Variants in TGFBRAP1 observed in about 807,000 individuals in gnomAD.
TGFBRAP1 encodes transforming growth factor beta receptor associated protein 1.
A neutral mutation model predicts 83.2 loss-of-function variants in TGFBRAP1; 20 were observed. The observed-to-expected ratio is 0.24, with a 90% CI of 0.17 to 0.35. The LOEUF (loss-of-function observed/expected upper bound fraction) is 0.35. Ranked by LOEUF, TGFBRAP1 falls within the 10% of genes least tolerant of loss-of-function variation. The pLI is 1.00. For missense variants in TGFBRAP1, 950 were observed against 1,099.4 expected (o/e 0.86, Z 1.92); for synonymous variants, 415 against 459.8 (o/e 0.90, Z 1.25).
chr2:105,312,202 C>T (rs1029218392), intron 1 of TGFBRAP1, among the ~76,000 whole-genome samples: 1 of 152,028 alleles, frequency 6.6e-6, no homozygotes, highest in African/African-American at 2.4e-5. Flanking sequence ...TAAGGCTTAC[C>T]TATAATCCTA....
chr2:105,295,125 C>G (rs1401001586), intron 4 of TGFBRAP1, among the ~76,000 whole-genome samples: 2 of 152,218 alleles, frequency 1.3e-5, no homozygotes, highest in African/African-American at 4.8e-5. Context: ...AAGTTAGCAA[C>G]AAAGATGAAA....
chr2:105,307,151 T>A (rs976795061), intron 2 of TGFBRAP1, among the ~76,000 whole-genome samples: 1 of 151,982 alleles, frequency 6.6e-6, no homozygotes, highest in African/African-American at 2.4e-5. Flanking sequence ...TCCAGCATCA[T>A]AAAAACCCGA....
chr2:105,321,842 C>T (rs1316016553), intron 1 of TGFBRAP1, among the ~76,000 whole-genome samples: 2 of 152,212 alleles, frequency 1.3e-5, no homozygotes, highest in Non-Finnish European at 2.9e-5. Context: ...AAGTCTAGCA[C>T]ATTCAATTAC....
In TGFBRAP1 at chr2:105,275,624, G is replaced by T; in HGVS notation, c.1601C>A (p.Thr534Asn). The T allele has an allele frequency of 6.2e-7, 1 of 1,614,114 alleles. No homozygotes were observed. Among genetic ancestry groups the T allele is most frequent in the African/African-American group, 1.3e-5 (1 of 74,992 alleles). ...DLYEYIVDFLTYCLDEELVWA... is the reference protein window; with the variant it reads ...DLYEYIVDFLNYCLDEELVWA... ...CACTAGTTCCTCGTCTAAGCAGTAGGTAAGAAAATCCACGATGTATTCATA... is the reference window on the plus strand; with the variant it reads ...CACTAGTTCCTCGTCTAAGCAGTAGTTAAGAAAATCCACGATGTATTCATA... Residue 534 changes from threonine to asparagine, a missense_variant, in exon 8 of 12, where the codon ACC (threonine) becomes AAC (asparagine). Physicochemically the swap from Thr to Asn is moderately conservative, Grantham distance 65. Transcript: ENST00000393359.
At chr2:105,317,052 C>T (rs1005272797) in intron 1 of TGFBRAP1, among the ~76,000 whole-genome samples, 4 of 150,304 alleles carry the variant, frequency 2.7e-5, no homozygotes, top group South Asian at 2.1e-4. Context: ...GGGCATATAC[C>T]GTGTATACAC....
intron 1 of TGFBRAP1, among the ~76,000 whole-genome samples, chr2:105,309,880 AT>A (rs1038822327): frequency 1.3e-5 from 2 of 152,100 alleles, no homozygotes; most frequent in Non-Finnish European, 2.9e-5. Flanking sequence ...TATGAATGGC[AT>A]TAGTGCCCTT....
intron 1 of TGFBRAP1, among the ~76,000 whole-genome samples, chr2:105,324,833 G>A (rs1230229548): frequency 6.6e-6 from 1 of 152,136 alleles, no homozygotes; most frequent in African/African-American, 2.4e-5. Flanking sequence ...CAGTAATAAG[G>A]ATCAAGGCCC....
downstream of TGFBRAP1, among the ~76,000 whole-genome samples, chr2:105,263,277 A>G (rs1299675743): frequency 6.6e-6 from 1 of 152,222 alleles, no homozygotes; most frequent in East Asian, 1.9e-4. Context: ...ATGAGAAAAG[A>G]ATATTGCACC....
At chr2:105,288,275 G>GACCCCTGAGCCAGTGC (rs1677782312) in intron 4 of TGFBRAP1, among the ~76,000 whole-genome samples, 1 of 152,172 alleles carries the variant, frequency 6.6e-6, no homozygotes, top group South Asian at 2.1e-4. Flanking sequence ...GGACGACACA[G>GACCCCTGAGCCAGTGC]ACCCCTGAGC....
intron 2 of TGFBRAP1, among the ~76,000 whole-genome samples, chr2:105,303,057 T>C (rs928877534): frequency 2.0e-5 from 3 of 152,236 alleles, no homozygotes; most frequent in African/African-American, 7.2e-5. Flanking sequence ...GTCAGATCTT[T>C]GGTGTGGTTG....
chr2:105,281,640 C>T (rs1387601274), intron 5 of TGFBRAP1, among the ~76,000 whole-genome samples: 2 of 152,292 alleles, frequency 1.3e-5, no homozygotes, highest in East Asian at 3.9e-4. Context: ...CTTAGTATGG[C>T]ATTCAAGGCC....
At chr2:105,277,435 CT>C (rs1677386637) in intron 7 of TGFBRAP1, among the ~76,000 whole-genome samples, 178 bp downstream of exon 7, 1 of 152,318 alleles carries the variant, frequency 6.6e-6, no homozygotes, top group Non-Finnish European at 1.5e-5. Context: ...GAAGAAAACT[CT>C]TGGCCAACAT....
chr2:105,260,780 A>G (rs1308780047), downstream of TGFBRAP1, among the ~76,000 whole-genome samples: 1 of 152,252 alleles, frequency 6.6e-6, no homozygotes, highest in Non-Finnish European at 1.5e-5. Context: ...AATAAAAAAA[A>G]TACTATGAAA....
At chr2:105,270,975 C>T (rs1457122122) in intron 10 of TGFBRAP1, among the ~76,000 whole-genome samples, 2 of 152,240 alleles carry the variant, frequency 1.3e-5, no homozygotes, top group African/African-American at 4.8e-5. Context: ...AGAAGGGATA[C>T]AAAATCAGTG....
At chr2:105,287,004 AT>A (rs1487512722) in intron 4 of TGFBRAP1, among the ~76,000 whole-genome samples, 4 of 152,220 alleles carry the variant, frequency 2.6e-5, no homozygotes, top group Admixed American at 2.0e-4. Flanking sequence ...AACTAATGGA[AT>A]GCTACTCAGT....
chr2:105,292,578 C>CAG (rs1278665630), intron 4 of TGFBRAP1, among the ~76,000 whole-genome samples: 3 of 149,850 alleles, frequency 2.0e-5, no homozygotes, highest in Non-Finnish European at 3.0e-5. Flanking sequence ...AGAAGGGAGG[C>CAG]AGAGAGAGAG....
rs1302639843 is a variant in TGFBRAP1 at position 105,267,544 on chromosome 2, T to G, written c.2422A>C (p.Ser808Arg). Residue 808 changes from serine (S) to arginine (R), a missense_variant, in exon 12 of 12, where the codon AGC (serine) becomes CGC (arginine). Ser to Arg is a moderately radical substitution (Grantham distance 110). Coordinates refer to ENST00000393359, the MANE Select transcript of TGFBRAP1 (RefSeq NM_004257.6). ...YTYDKMKLKG[S>R]SIQLSDKKLC... ...TTTTTGTCTGAGAGTTGGATTGAGC[T>G]TCCTTTCAACTTCATCTGCAAGAAG... The G allele has an allele frequency of 6.2e-7, 1 of 1,614,222 alleles. No homozygotes were observed. The highest frequency in any genetic ancestry group is 1.1e-5 in the South Asian group (1 of 91,090).
Position 105,273,576 on chromosome 2 carries a change from G to A in TGFBRAP1, c.1780C>T (p.Leu594=), listed in dbSNP as rs139928283. The A allele has an allele frequency of 8.3e-5, 134 of 1,614,192 alleles. No individual in the cohort carries two copies. In the African/African-American group the frequency reaches 1.6e-3, roughly 20 times the overall value. Residue 594 remains leucine, a synonymous_variant, in exon 9 of 12, where the codon CTG becomes TTG. Coordinates refer to ENST00000393359, the MANE Select transcript of TGFBRAP1 (RefSeq NM_004257.6). The part of the protein sequence containing the change: ...KKYPKALVKY[L]EHLVIDKRLQ... ...CTCTTGTCTATCACAAGATGTTCCA[G>A]ATACTTCACAAGGGCTTTAGGGTAT...
intron 2 of TGFBRAP1, among the ~76,000 whole-genome samples, chr2:105,306,948 T>C (rs1164056637): frequency 1.3e-5 from 2 of 152,074 alleles, no homozygotes; most frequent in Non-Finnish European, 2.9e-5. Context: ...TAATGAGCAA[T>C]GCAGCCATTA....
Sources: allele counts gnomAD v4.1 joint callset (sites outside exome capture counted in the v4.1 genomes callset), GRCh38; gene constraint gnomAD v4.1.1; transcripts MANE v1.5; gene names NCBI Gene and HGNC (gene_info 2026-07-23, HGNC 2026-07-21).